The following MIPOL1 variants were observed in gnomAD, a reference collection of about 807,000 sequenced individuals.
The protein encoded by MIPOL1 is mirror-image polydactyly gene 1 protein.
Under a neutral mutation model 60.9 loss-of-function variants are expected in MIPOL1, and 57 were observed. That is an observed-to-expected ratio of 0.94 (90% confidence interval 0.76 to 1.17). The LOEUF (loss-of-function observed/expected upper bound fraction) is 1.17, where lower values mean the gene tolerates loss of function less well. Among genes scored for constraint, MIPOL1 ranks in the 50% most tolerant of loss-of-function variants. The pLI is 0.00. For missense variants in MIPOL1, 551 were observed against 511.6 expected (o/e 1.08, Z -0.74); for synonymous variants, 179 against 168.8 (o/e 1.06, Z -0.47).
intron 6 of MIPOL1, among the ~76,000 whole-genome samples, chr14:37,283,715 A>G (rs1047194760): frequency 2.6e-5 from 4 of 152,174 alleles, no homozygotes; most frequent in East Asian, 3.9e-4. Flanking sequence ...AAGAGCTTTC[A>G]TATATTTTCT....
intron 9 of MIPOL1, among the ~76,000 whole-genome samples, chr14:37,324,303 C>T (rs1189080224): frequency 6.6e-6 from 1 of 152,014 alleles, no homozygotes; most frequent in Non-Finnish European, 1.5e-5. Context: ...ATTTGCACCT[C>T]CCAGTGACTA....
chr14:37,296,167 G>A (rs1188558565), intron 7 of MIPOL1, among the ~76,000 whole-genome samples: 2 of 152,064 alleles, frequency 1.3e-5, no homozygotes, highest in Non-Finnish European at 2.9e-5. Context: ...AAACTGCTCA[G>A]CTACGTGGAA....
chr14:37,245,797 A>G (rs1248479671), intron 1 of MIPOL1, among the ~76,000 whole-genome samples: 1 of 152,130 alleles, frequency 6.6e-6, no homozygotes, highest in Non-Finnish European at 1.5e-5. Context: ...GGCTACTAAT[A>G]CATATTTTTA....
intron 11 of MIPOL1, among the ~76,000 whole-genome samples, chr14:37,442,655 A>AAAAT (rs1036058331): frequency 1.1e-4 from 16 of 151,528 alleles, no homozygotes; most frequent in Admixed American, 1.3e-4. Flanking sequence ...TGAAATTATA[A>AAAAT]AAATAAATAA....
At chr14:37,389,825 A>G (rs1204114408) in intron 10 of MIPOL1, among the ~76,000 whole-genome samples, 1 of 151,814 alleles carries the variant, frequency 6.6e-6, no homozygotes, top group African/African-American at 2.4e-5. Context: ...GTAGTGCCTT[A>G]TGGATATCTG....
intron 9 of MIPOL1, among the ~76,000 whole-genome samples, chr14:37,350,177 T>C (rs1420182604): frequency 6.6e-6 from 1 of 152,120 alleles, no homozygotes; most frequent in East Asian, 1.9e-4. Context: ...ACTCAAGTAA[T>C]CCTCCCACTT....
At chr14:37,214,031 T>G (rs567589760) in intron 1 of MIPOL1, among the ~76,000 whole-genome samples, 4 of 152,236 alleles carry the variant, frequency 2.6e-5, no homozygotes, top group South Asian at 2.1e-4. Context: ...AAACAAAAAC[T>G]GAGACATTTT....
chr14:37,522,898 C>T (rs2095423665), intron 12 of MIPOL1, among the ~76,000 whole-genome samples: 2 of 152,016 alleles, frequency 1.3e-5, no homozygotes, highest in South Asian at 4.1e-4. Flanking sequence ...AGATATGAAT[C>T]CTATTTTCTT....
chr14:37,290,286 C>T lies in MIPOL1; in HGVS notation c.623+4839C>T, dbSNP rs184465092. Among the ~76,000 whole-genome samples the T allele has an allele frequency of 1.7e-3, 257 of 152,212 alleles. 1 individual carries two copies. Among genetic ancestry groups the T allele is most frequent in the South Asian group, 7.5e-3 (36 of 4,830 alleles). On this transcript the variant is annotated intron_variant, in intron 7 of 12. Coordinates refer to ENST00000684589, the MANE Select transcript of MIPOL1 (RefSeq NM_001388067.1). ...TGTCGCCCAAGCTGGAGAACAGTGACGTGATCTCGGCTCACCACAACCTCC... is the reference window on the plus strand; with the variant it reads ...TGTCGCCCAAGCTGGAGAACAGTGATGTGATCTCGGCTCACCACAACCTCC...
At chr14:37,456,054 A>C (rs201401986) in intron 11 of MIPOL1, among the ~76,000 whole-genome samples, 1 of 151,958 alleles carries the variant, frequency 6.6e-6, no homozygotes, top group Non-Finnish European at 1.5e-5. Context: ...GCGTTATTGT[A>C]GAATCCTTGG....
intron 12 of MIPOL1, among the ~76,000 whole-genome samples, chr14:37,544,028 G>A (rs2153642714): frequency 6.6e-6 from 1 of 152,314 alleles, no homozygotes; most frequent in South Asian, 2.1e-4. Flanking sequence ...AATATACTGA[G>A]TATCATAGGC....
At chr14:37,473,638 C>T (rs1359630142) in intron 11 of MIPOL1, among the ~76,000 whole-genome samples, 2 of 152,112 alleles carry the variant, frequency 1.3e-5, no homozygotes, top group East Asian at 1.9e-4. Flanking sequence ...GCACAGAGTT[C>T]CCACATAACC....
At chr14:37,224,678 G>A (rs1241124518) in intron 1 of MIPOL1, among the ~76,000 whole-genome samples, 1 of 151,962 alleles carries the variant, frequency 6.6e-6, no homozygotes, top group African/African-American at 2.4e-5. Flanking sequence ...ATGACATTTG[G>A]GTGGGGACAC....
At chr14:37,269,556 GTTTTC>G (rs1203931152) in intron 5 of MIPOL1, among the ~76,000 whole-genome samples, 4 of 151,946 alleles carry the variant, frequency 2.6e-5, no homozygotes, top group African/African-American at 9.7e-5. Context: ...TGTATGAGAT[GTTTTC>G]TGTACTTTCA....
chr14:37,360,689 CTGTT>C (rs1428028425), intron 9 of MIPOL1, among the ~76,000 whole-genome samples: 1 of 152,038 alleles, frequency 6.6e-6, no homozygotes. Context: ...TTTATTGCGT[CTGTT>C]TGATTCTTCC....
At chr14:37,448,835 T>C (rs2094376584) in intron 11 of MIPOL1, among the ~76,000 whole-genome samples, 1 of 152,224 alleles carries the variant, frequency 6.6e-6, no homozygotes, top group South Asian at 2.1e-4. Context: ...CTGCGGACTC[T>C]TTCATATGTA....
chr14:37,526,077 T>C (rs2095444256), intron 12 of MIPOL1, among the ~76,000 whole-genome samples: 1 of 152,092 alleles, frequency 6.6e-6, no homozygotes, highest in Non-Finnish European at 1.5e-5. Context: ...GTTAAAATTA[T>C]AGAGACAGAA....
intron 3 of MIPOL1, among the ~76,000 whole-genome samples, chr14:37,249,970 G>C (rs1973827471): frequency 2.0e-5 from 3 of 152,100 alleles, no homozygotes; most frequent in African/African-American, 7.2e-5. Flanking sequence ...AAGAGATAGA[G>C]ACTGTAGAGG....
intron 10 of MIPOL1, among the ~76,000 whole-genome samples, chr14:37,408,370 C>A (rs919661596): frequency 9.9e-5 from 15 of 152,224 alleles, no homozygotes; most frequent in African/African-American, 3.6e-4. Flanking sequence ...TGGCTCACAC[C>A]TGTAGTCTCA....
Sources: gnomAD v4.1 joint callset for allele counts (sites outside exome capture counted in the v4.1 genomes callset) on GRCh38, gnomAD v4.1.1 for gene constraint, MANE v1.5 for transcripts, NCBI Gene and HGNC (gene_info 2026-07-23, HGNC 2026-07-21) for gene names.